The following BCAP29 variants were observed in gnomAD, a reference collection of about 807,000 sequenced individuals.
The protein encoded by BCAP29 is B-cell receptor-associated protein 29.
Under a neutral mutation model 31.8 loss-of-function variants are expected in BCAP29, and 34 were observed. The observed-to-expected ratio is 1.07, with a 90% CI of 0.81 to 1.42. The LOEUF is 1.42. Among genes scored for constraint, BCAP29 ranks in the 40% most tolerant of loss-of-function variants. The pLI, the probability that BCAP29 is intolerant of heterozygous loss-of-function variation, is 0.00. For missense variants in BCAP29, 314 were observed against 269.2 expected, an observed-to-expected ratio of 1.17 and a Z score of -1.16; for synonymous variants, 104 against 91.3, an observed-to-expected ratio of 1.14 and a Z score of -0.79.
chr7:107,597,892 A>G (rs1050971051), intron 5 of BCAP29, among the ~76,000 whole-genome samples: 12 of 152,222 alleles, frequency 7.9e-5, no homozygotes, highest in Non-Finnish European at 1.5e-4. Context: ...TTACTTCTTC[A>G]GTGTGATAGA....
intron 3 of BCAP29, among the ~76,000 whole-genome samples, chr7:107,586,922 G>T (rs1807809637): frequency 6.6e-6 from 1 of 151,680 alleles, no homozygotes; most frequent in Admixed American, 6.6e-5. Context: ...TAGAGACAGG[G>T]TTTTGTCATG....
In BCAP29 at chr7:107,600,435, G is replaced by A. The variant is rs936370046; in HGVS notation, c.519G>A (p.Leu173=). The A allele has an allele frequency of 6.2e-7, 1 of 1,610,486 alleles. No individual in the cohort carries two copies. The highest frequency in any genetic ancestry group is 1.1e-5 in the South Asian group (1 of 90,870). ...ATGGTAAAGATGAAGAATGTGTTTTGGAAGCAGAAAATAAAAAACTAGTAG... is the reference window on the plus strand; with the variant it reads ...ATGGTAAAGATGAAGAATGTGTTTTAGAAGCAGAAAATAAAAAACTAGTAG... ...KSHGKDEECV[L]EAENKKLVED... is the part of the protein sequence containing the mutation. Residue 173 remains leucine (L), a synonymous_variant, in exon 6 of 8, where the codon TTG becomes TTA. Transcript: ENST00000005259.
chr7:107,594,187 GA>G (rs1327007928), intron 4 of BCAP29, 82 bp downstream of exon 4: 9 of 1,289,586 alleles, frequency 7.0e-6, no homozygotes, highest in African/African-American at 6.1e-5. Context: ...CTTTACTGTA[GA>G]TTTTTTTTTT....
At chr7:107,589,930 G>C (rs1808417996) in intron 3 of BCAP29, among the ~76,000 whole-genome samples, 1 of 152,154 alleles carries the variant, frequency 6.6e-6, no homozygotes, top group African/African-American at 2.4e-5. Context: ...TTACAGATGA[G>C]AGCTACTGTG....
At chr7:107,586,551 G>T (rs1807717853) in intron 3 of BCAP29, among the ~76,000 whole-genome samples, 1 of 152,082 alleles carries the variant, frequency 6.6e-6, no homozygotes, top group South Asian at 2.1e-4. Flanking sequence ...TTTAAACGCA[G>T]TAACATATGT....
chr7:107,620,815 A>G (rs529482744), downstream of BCAP29: 4 of 152,376 alleles, frequency 2.6e-5, no homozygotes, highest in South Asian at 8.3e-4. Flanking sequence ...TTTTCCTAGT[A>G]TGCTGAGAAC....
In BCAP29 at chr7:107,612,426, TATATATATATA is replaced by T. The variant is rs1563141440; in HGVS notation, c.590-905_590-895del. Among the ~76,000 whole-genome samples the T allele has an allele frequency of 6.0e-3, 268 of 44,610 alleles. 4 individuals carry two copies. Among genetic ancestry groups the T allele is most frequent in the Middle Eastern group, 0.013 (1 of 76 alleles). 29.3% of individuals were successfully genotyped at this position (44,610 alleles called of 152,430 possible). Reference sequence around the variant, plus strand: ...ATATATATATATATATATATATATATATATATATATATATTTATTTTACTTCTATCTAAGGC... The same window carrying T: ...ATATATATATATATATATATATATATTATTTATTTTACTTCTATCTAAGGC... On this transcript the variant is annotated intron_variant, in intron 6 of 7. Coordinates refer to ENST00000005259, the MANE Select transcript of BCAP29 (RefSeq NM_018844.4).
intron 3 of BCAP29, among the ~76,000 whole-genome samples, chr7:107,593,043 G>A (rs1485801062): frequency 6.6e-6 from 1 of 152,100 alleles, no homozygotes. Flanking sequence ...TTTTAAAGAG[G>A]TAAATTTTTA....
chr7:107,582,789 GAAGAAATAAGTAAATT>G, intron 2 of BCAP29, among the ~76,000 whole-genome samples: 1 of 152,042 alleles, frequency 6.6e-6, no homozygotes, highest in Non-Finnish European at 1.5e-5. Context: ...ACCAAACCTT[GAAGAAATAAGTAAATT>G]TACATTTGGA....
At chr7:107,615,385 G>GAGGTCA (rs1813927643) in intron 7 of BCAP29, 1 of 454,250 alleles carries the variant, frequency 2.2e-6, no homozygotes, top group Non-Finnish European at 4.4e-6. Context: ...GGCGGATCAT[G>GAGGTCA]GGAGATCAAG....
Position 107,619,548 on chromosome 7 carries a change from G to A in BCAP29, c.*1185G>A, listed in dbSNP as rs1265631238. On this transcript the variant is annotated 3_prime_UTR_variant, in exon 8 of 8. Coordinates refer to ENST00000005259, the MANE Select transcript of BCAP29 (RefSeq NM_018844.4). ...TAATTTTTTTCATCATAAAGTGGAT[G>A]AAATGAGCAAGTACCTAAAAATTTT... 6.6e-6 allele frequency: 1 copy of A among 152,110 alleles called. No homozygotes were observed. The highest frequency in any genetic ancestry group is 1.5e-5 in the Non-Finnish European group (1 of 67,996). 9.4% of individuals were successfully genotyped at this position (152,110 alleles called of 1,614,324 possible). A position where few individuals can be genotyped will look rare whatever the true frequency, so the allele number is the denominator to read the frequency against.
intron 3 of BCAP29, among the ~76,000 whole-genome samples, chr7:107,590,833 A>AAAAGAAAG (rs71134269): frequency 2.9e-4 from 40 of 137,814 alleles, no homozygotes; most frequent in South Asian, 4.8e-4. Flanking sequence ...AAAAAAAAAA[A>AAAAGAAAG]AAAGAAAGAA....
At chr7:107,611,564 A>G (rs1813132962) in intron 6 of BCAP29, among the ~76,000 whole-genome samples, 1 of 152,196 alleles carries the variant, frequency 6.6e-6, no homozygotes, top group African/African-American at 2.4e-5. Flanking sequence ...AGCTCTGAAG[A>G]TACCACCACC....
intron 3 of BCAP29, among the ~76,000 whole-genome samples, chr7:107,585,733 T>C (rs1169484054): frequency 1.3e-5 from 2 of 152,188 alleles, no homozygotes; most frequent in African/African-American, 4.8e-5. Context: ...CTCACCTCTG[T>C]AATCTCAGCA....
At chr7:107,598,985 T>TA (rs1563133493) in intron 5 of BCAP29, among the ~76,000 whole-genome samples, 2 of 81,544 alleles carry the variant, frequency 2.5e-5, no homozygotes, top group Non-Finnish European at 4.6e-5. Context: ...ATCTATAAAT[T>TA]TATATATATT....
intron 7 of BCAP29, among the ~76,000 whole-genome samples, chr7:107,614,089 C>A (rs1813704844): frequency 6.6e-6 from 1 of 152,194 alleles, no homozygotes; most frequent in African/African-American, 2.4e-5. Context: ...GGGAAGAGAC[C>A]ATTCCAGAGA....
At chr7:107,615,369 G>C in intron 7 of BCAP29, 7 of 456,116 alleles carry the variant, frequency 1.5e-5, no homozygotes, top group Non-Finnish European at 2.6e-5. Flanking sequence ...TTGGAAGGCT[G>C]AGGCGGGCGG....
intron 5 of BCAP29, among the ~76,000 whole-genome samples, chr7:107,598,892 T>TATAC (rs1491342505): frequency 9.3e-6 from 1 of 107,788 alleles, no homozygotes; most frequent in Non-Finnish European, 1.8e-5. Flanking sequence ...GGCAATACAG[T>TATAC]ATACACACAC....
chr7:107,620,784 A>T (rs952507280), downstream of BCAP29: 2 of 152,246 alleles, frequency 1.3e-5, no homozygotes, highest in African/African-American at 4.8e-5. Flanking sequence ...TCTTTAGGGC[A>T]TAAGTTCCTC....
Sources: gnomAD v4.1 joint callset for allele counts (sites outside exome capture counted in the v4.1 genomes callset) on GRCh38, gnomAD v4.1.1 for gene constraint, MANE v1.5 for transcripts, NCBI Gene and HGNC (gene_info 2026-07-23, HGNC 2026-07-21) for gene names.